Variants in NANOGNB observed in about 807,000 individuals in gnomAD.
NANOGNB encodes the protein NANOG neighbor homeobox.
In NANOGNB, 30 loss-of-function variants were observed where a neutral mutation model predicts 25.0. That is an observed-to-expected ratio of 1.20 (90% confidence interval 0.90 to 1.63). NANOGNB has a LOEUF of 1.63. Ranked by LOEUF, NANOGNB falls within the 40% of genes most tolerant of loss-of-function variation. The pLI is 0.00. For missense variants in NANOGNB, 200 were observed against 188.1 expected (o/e 1.06, Z -0.37); for synonymous variants, 84 against 62.1 (o/e 1.35, Z -1.66).
chr12:7,769,921 C>A, intron 1 of NANOGNB, 62 bp from the exon 2 acceptor site: 1 of 1,179,414 alleles, frequency 8.5e-7, no homozygotes, highest in Non-Finnish European at 1.2e-6. Flanking sequence ...AGATTGTTGA[C>A]TATGCTCTGA....
At chr12:7,765,825 G>A (rs1315783584) in intron 1 of NANOGNB, among the ~76,000 whole-genome samples, 2 of 151,964 alleles carry the variant, frequency 1.3e-5, no homozygotes, top group East Asian at 1.9e-4. Context: ...TAACTTATTA[G>A]ACATCCAAGC....
chr12:7,769,988 A>G lies in NANOGNB; in HGVS notation c.108A>G (p.Gln36=), dbSNP rs1410886229. 1.3e-6 allele frequency: 2 copies of G among 1,501,884 alleles called. No individual in the cohort carries two copies. Among genetic ancestry groups the G allele is most frequent in the East Asian group, 2.5e-5 (1 of 40,598 alleles). 93.0% of individuals were successfully genotyped at this position (1,501,884 alleles called of 1,614,324 possible). A position where few individuals can be genotyped will look rare whatever the true frequency, so the allele number is the denominator to read the frequency against. ...CCACGGATCTTTTTATACAGAAACAATCAGCTATGCCTTGGGATCAAGATC... is the reference window on the plus strand; with the variant it reads ...CCACGGATCTTTTTATACAGAAACAGTCAGCTATGCCTTGGGATCAAGATC... ...EIETILANKK[Q]SAMPWDQDPE... Residue 36 remains glutamine (Q), a synonymous_variant, in exon 2 of 4, where the codon CAA becomes CAG. Coordinates refer to ENST00000382119, the MANE Select transcript of NANOGNB (RefSeq NM_001145465.1).
chr12:7,765,501 C>T (rs967415242), intron 1 of NANOGNB, 114 bp downstream of exon 1: 5 of 214,738 alleles, frequency 2.3e-5, no homozygotes, highest in Admixed American at 1.2e-4. Flanking sequence ...ACCCGGGAGG[C>T]GGAGCTTGCA....
chr12:7,773,546 C>CAAAAAAAAAAAAAAAAAAAAAAAAAAAA (rs869038102), intron 3 of NANOGNB, among the ~76,000 whole-genome samples: 2 of 15,444 alleles, frequency 1.3e-4, no homozygotes, highest in Non-Finnish European at 1.9e-4. Flanking sequence ...ACTAAAAATA[C>CAAAAAAAAAAAAAAAAAAAAAAAAAAAA]AAAAAAAAAA....
intron 3 of NANOGNB, among the ~76,000 whole-genome samples, chr12:7,773,385 C>A (rs1311513933): frequency 1.3e-5 from 2 of 151,460 alleles, no homozygotes; most frequent in African/African-American, 4.8e-5. Context: ...CCAGATTTAA[C>A]ATATTTTGAT....
Position 7,770,271 on chromosome 12 carries a change from G to A in NANOGNB, c.391G>A (p.Glu131Lys). 1 of 1,542,306 alleles carries A rather than the reference G, an allele frequency of 6.5e-7. No individual in the cohort carries two copies. Among genetic ancestry groups the A allele is most frequent in the Non-Finnish European group, 8.7e-7 (1 of 1,144,704 alleles). Residue 131 changes from glutamate (E) to lysine (K), a missense_variant, in exon 2 of 4, where the codon GAG becomes AAG. Coordinates refer to ENST00000382119, the MANE Select transcript of NANOGNB (RefSeq NM_001145465.1). ...FKLNRCPTIQ[E>K]SLSLSFEFDM... Reference sequence around the variant, plus strand: ...GTTAAACAGGTGCCCCACTATACAAGAGAGTCTATCACTGTCATTTGAATT... The same window carrying A: ...GTTAAACAGGTGCCCCACTATACAAAAGAGTCTATCACTGTCATTTGAATT...
chr12:7,770,179 A>G lies in NANOGNB; in HGVS notation c.299A>G (p.Gln100Arg). 1 of 1,551,900 alleles carries G rather than the reference A, an allele frequency of 6.4e-7. No individual in the cohort carries two copies. Among genetic ancestry groups the G allele is most frequent in the Non-Finnish European group, 8.7e-7 (1 of 1,146,972 alleles). ...ENKRKRENEK[Q>R]KQYPEKRLVS... Reference sequence around the variant, plus strand: ...AAAAGGAAAAGGGAAAATGAGAAACAGAAACAGTATCCCGAGAAAAGATTA... The same window carrying G: ...AAAAGGAAAAGGGAAAATGAGAAACGGAAACAGTATCCCGAGAAAAGATTA... Residue 100 changes from glutamine (Q) to arginine (R), a missense_variant, in exon 2 of 4, where the codon CAG becomes CGG. Physicochemically the swap from Gln to Arg is conservative, Grantham distance 43. Coordinates refer to ENST00000382119, the MANE Select transcript of NANOGNB (RefSeq NM_001145465.1).
At chr12:7,771,906 C>T (rs1158854676) in intron 3 of NANOGNB, among the ~76,000 whole-genome samples, 1 of 152,120 alleles carries the variant, frequency 6.6e-6, no homozygotes, top group Non-Finnish European at 1.5e-5. Flanking sequence ...TAGGTGTGAA[C>T]CTCCACGCCT....
intron 3 of NANOGNB, among the ~76,000 whole-genome samples, chr12:7,771,864 G>T (rs956194071): frequency 6.6e-6 from 1 of 151,934 alleles, no homozygotes; most frequent in Non-Finnish European, 1.5e-5. Flanking sequence ...CAGATGGTCC[G>T]CCCGCCTCGG....
At chr12:7,773,295 C>A (rs1400788183) in intron 3 of NANOGNB, among the ~76,000 whole-genome samples, 1 of 151,434 alleles carries the variant, frequency 6.6e-6, no homozygotes, top group Non-Finnish European at 1.5e-5. Flanking sequence ...ACCATTTCTG[C>A]CTCCATAACT....
intron 3 of NANOGNB, among the ~76,000 whole-genome samples, chr12:7,771,841 A>T (rs1336155276): frequency 3.3e-5 from 5 of 151,064 alleles, no homozygotes; most frequent in African/African-American, 1.2e-4. Flanking sequence ...GGCTGGTCTC[A>T]AACTCCTAAT....
chr12:7,766,035 G>A, intron 1 of NANOGNB: 1 of 397,890 alleles, frequency 2.5e-6, no homozygotes, highest in Non-Finnish European at 4.4e-6. Context: ...GGAAAGAGGA[G>A]CAACAAAGAA....
At chr12:7,769,914 T>C (rs747572671) in intron 1 of NANOGNB, 69 bp from the exon 2 acceptor site, 26 of 1,086,142 alleles carry the variant, frequency 2.4e-5, no homozygotes, top group Non-Finnish European at 3.0e-5. Flanking sequence ...CCAGGGAAGA[T>C]TGTTGACTAT....
At chr12:7,765,430 C>T (rs1865236817) in intron 1 of NANOGNB, 43 bp downstream of exon 1, 1 of 355,870 alleles carries the variant, frequency 2.8e-6, no homozygotes, top group Non-Finnish European at 5.4e-6. Context: ...ATTAGCTGGG[C>T]GTGGTGGCGG....
intron 1 of NANOGNB, among the ~76,000 whole-genome samples, chr12:7,765,712 G>C (rs1865240005): frequency 6.6e-6 from 1 of 152,014 alleles, no homozygotes; most frequent in Non-Finnish European, 1.5e-5. Context: ...TCAAACCACT[G>C]GGCAGATGGA....
chr12:7,766,078 G>A (rs1865242108), intron 1 of NANOGNB: 2 of 398,520 alleles, frequency 5.0e-6, no homozygotes, highest in East Asian at 7.1e-5. Context: ...ACTTGAGGAA[G>A]CCCCAGGAAA....
chr12:7,773,136 T>TC (rs2120523615), intron 3 of NANOGNB, among the ~76,000 whole-genome samples: 1 of 151,040 alleles, frequency 6.6e-6, no homozygotes, highest in Non-Finnish European at 1.5e-5. Context: ...TTTTTTTTTT[T>TC]TCAAAGATGG....
chr12:7,770,224 A>G lies in NANOGNB; in HGVS notation c.344A>G (p.His115Arg), dbSNP rs752332013. 3 of 1,551,900 alleles carry G rather than the reference A, an allele frequency of 1.9e-6. No individual in the cohort carries two copies. Among genetic ancestry groups the G allele is most frequent in the South Asian group, 2.4e-5 (2 of 83,904 alleles). Residue 115 changes from histidine to arginine, a missense_variant, in exon 2 of 4, where the codon CAT becomes CGT. By Grantham distance (29) the His-to-Arg change is conservative. Transcript: ENST00000382119. ...EKRLVSKSLM[H>R]TLWAKFKLNR... ...AGATTAGTCAGCAAATCCCTCATGC[A>G]TACTCTCTGGGCAAAGTTTAAGTTA...
At chr12:7,770,606 A>T in intron 3 of NANOGNB, 88 bp downstream of exon 3, 1 of 825,692 alleles carries the variant, frequency 1.2e-6, no homozygotes. Flanking sequence ...ATTATTGGGT[A>T]TGCCCATAAA....
Sources: gnomAD v4.1 joint callset for allele counts (sites outside exome capture counted in the v4.1 genomes callset) on GRCh38, gnomAD v4.1.1 for gene constraint, MANE v1.5 for transcripts, NCBI Gene and HGNC (gene_info 2026-07-23, HGNC 2026-07-21) for gene names.